Variants in UBE3C observed in about 807,000 individuals in gnomAD.
UBE3C encodes ubiquitin protein ligase E3C.
UBE3C carries 42 observed loss-of-function variants against 129.4 expected under a neutral mutation model. The observed-to-expected ratio is 0.32, with a 90% CI of 0.25 to 0.42. UBE3C has a LOEUF of 0.42. Ranked by LOEUF, UBE3C falls within the 10% of genes least tolerant of loss-of-function variation. The pLI, the probability that UBE3C is intolerant of heterozygous loss-of-function variation, is 1.00. For synonymous variants in UBE3C, 510 were observed against 492.4 expected (o/e 1.04, Z -0.47); for missense variants, 1,049 against 1,319.1 (o/e 0.80, Z 3.17).
intron 16 of UBE3C, 53 bp from the exon 17 acceptor site, chr7:157,225,354 G>A (rs989742784): frequency 4.5e-6 from 7 of 1,561,718 alleles, no homozygotes; most frequent in Admixed American, 4.5e-5. Context: ...TCTTTGGTAG[G>A]TTGTAAGAGG....
intron 22 of UBE3C, among the ~76,000 whole-genome samples, chr7:157,266,474 T>C (rs968426116): frequency 1.3e-5 from 2 of 152,222 alleles, no homozygotes; most frequent in African/African-American, 4.8e-5. Context: ...TTAATCATCG[T>C]GGAGATCCAC....
At chr7:157,214,099 T>C (rs1809669617) in intron 13 of UBE3C, among the ~76,000 whole-genome samples, 1 of 152,072 alleles carries the variant, frequency 6.6e-6, no homozygotes, top group African/African-American at 2.4e-5. Context: ...CCTCCTCCTT[T>C]CTCCCCATCT....
intron 10 of UBE3C, among the ~76,000 whole-genome samples, chr7:157,196,095 G>A (rs1177981344): frequency 6.8e-6 from 1 of 147,848 alleles, no homozygotes; most frequent in Non-Finnish European, 1.5e-5. Context: ...GTGTCAGAGA[G>A]ATGTGGTAAC....
In UBE3C at chr7:157,184,120, C is replaced by CA; in HGVS notation, c.1143+93dup. The stretch of plus-strand genomic sequence containing the variant: ...CTGTCCACCCGTAGTTTCAGTTACA[C>CA]AAGTCAGACCCTCAAGCAGCCTTTG... On this transcript the variant is annotated intron_variant, in intron 9 of 22. Transcript: ENST00000348165. 2.7e-6 allele frequency: 4 copies of CA among 1,506,734 alleles called. No individual in the cohort carries two copies. The South Asian group carries it at 5.0e-5, about 19-fold the overall frequency. The allele number at this position is 1,506,734 out of a possible 1,614,324, so 93.3% of individuals were successfully genotyped here.
At chr7:157,180,107 A>G (rs1460407539) in intron 6 of UBE3C, among the ~76,000 whole-genome samples, 2 of 152,220 alleles carry the variant, frequency 1.3e-5, no homozygotes, top group Non-Finnish European at 2.9e-5. Context: ...AAAATCTTAC[A>G]CAGAAACTGC....
At chr7:157,244,736 G>A (rs1796433178) in intron 18 of UBE3C, among the ~76,000 whole-genome samples, 1 of 152,168 alleles carries the variant, frequency 6.6e-6, no homozygotes, top group South Asian at 2.1e-4. Flanking sequence ...ATATTAAAAG[G>A]CTTCTACTAT....
chr7:157,225,820 G>C (rs190246743), intron 17 of UBE3C, among the ~76,000 whole-genome samples: 1 of 152,070 alleles, frequency 6.6e-6, no homozygotes, highest in Non-Finnish European at 1.5e-5. Flanking sequence ...ATGTGTTAGC[G>C]TGCCCCTGTT....
chr7:157,153,823 AAAACAAAC>A (rs112301421), intron 1 of UBE3C, among the ~76,000 whole-genome samples: 1 of 150,374 alleles, frequency 6.7e-6, no homozygotes, highest in Admixed American at 6.6e-5. Flanking sequence ...CTAAAAATAC[AAAACAAAC>A]AAACAAACAA....
At chr7:157,151,540 T>G (rs1586644768) in intron 1 of UBE3C, among the ~76,000 whole-genome samples, 1 of 152,184 alleles carries the variant, frequency 6.6e-6, no homozygotes, top group Admixed American at 6.5e-5. Flanking sequence ...TGGCTTTTCT[T>G]GTGAACTGTT....
chr7:157,225,700 G>T (rs1038370598), intron 17 of UBE3C, among the ~76,000 whole-genome samples, 161 bp downstream of exon 17: 6 of 152,182 alleles, frequency 3.9e-5, no homozygotes, highest in African/African-American at 1.2e-4. Context: ...TATAATCCCA[G>T]CACTTTGGGA....
chr7:157,219,008 A>G (rs1230642927), intron 14 of UBE3C, among the ~76,000 whole-genome samples: 1 of 152,184 alleles, frequency 6.6e-6, no homozygotes, highest in Non-Finnish European at 1.5e-5. Context: ...GGCAAAACAG[A>G]TAGTGTGTGA....
intron 15 of UBE3C, 113 bp downstream of exon 15, chr7:157,220,889 C>A: frequency 8.1e-7 from 1 of 1,237,262 alleles, no homozygotes; most frequent in Non-Finnish European, 1.1e-6. Context: ...ATGTCACTCC[C>A]AGCAGGAGCT....
Position 157,225,549 on chromosome 7 carries a change from ATTCT to A in UBE3C, c.2233+15_2233+18del, listed in dbSNP as rs751743622. The A allele has an allele frequency of 3.8e-6, 6 of 1,559,296 alleles. No individual in the cohort carries two copies. The highest frequency in any genetic ancestry group is 1.2e-5 in the South Asian group (1 of 81,306). On this transcript the variant is annotated intron_variant, in intron 17 of 22. Coordinates refer to ENST00000348165, the MANE Select transcript of UBE3C (RefSeq NM_014671.3). ...CTTTCTCCAGAAAATGGTATATATA[ATTCT>A]TTCTGTGTATTATTTGGCAGGTGGA...
At chr7:157,191,650 T>C (rs1025159991) in intron 10 of UBE3C, among the ~76,000 whole-genome samples, 3 of 152,208 alleles carry the variant, frequency 2.0e-5, no homozygotes, top group Non-Finnish European at 2.9e-5. Context: ...AGAACTGTGG[T>C]GTATGTGGTG....
chr7:157,188,635 G>A (rs1808872377), intron 10 of UBE3C, among the ~76,000 whole-genome samples: 1 of 152,186 alleles, frequency 6.6e-6, no homozygotes, highest in Admixed American at 6.5e-5. Flanking sequence ...GGTGTTTAAT[G>A]GGTGAAGGAA....
At position 157,217,272 on chromosome 7, in the gene UBE3C, A is replaced by G. The variant is rs139562419; in HGVS notation, c.1914+301A>G. 427 of 232,514 alleles carry G rather than the reference A, an allele frequency of 1.8e-3. 4 individuals carry two copies. Among genetic ancestry groups the G allele is most frequent in the African/African-American group, 9.7e-3 (414 of 42,710 alleles). The allele number at this position is 232,514 out of a possible 1,614,324, so 14.4% of individuals were successfully genotyped here. A position where few individuals can be genotyped will look rare whatever the true frequency, so the allele number is the denominator to read the frequency against. Reference sequence around the variant, plus strand: ...AAAATATTTTGCTTTTATTAGTATTAATATATGTCTAGTATTTAAAAGAGA... The same window carrying G: ...AAAATATTTTGCTTTTATTAGTATTGATATATGTCTAGTATTTAAAAGAGA... On this transcript the variant is annotated intron_variant, in intron 14 of 22. Coordinates refer to ENST00000348165, the MANE Select transcript of UBE3C (RefSeq NM_014671.3).
intron 9 of UBE3C, among the ~76,000 whole-genome samples, chr7:157,185,316 G>A (rs961802157): frequency 1.3e-5 from 2 of 152,242 alleles, no homozygotes; most frequent in African/African-American, 4.8e-5. Flanking sequence ...CATTTAAGAA[G>A]TGGGATCAGT....
In UBE3C at chr7:157,237,072, A is replaced by G. The variant is rs534357947; in HGVS notation, c.2481+5745A>G. ...TAAGTTTATTTCTTCAGAATTAACC[A>G]TGAAATACAAGTGGTTTAGATTCTA... is the stretch of plus-strand genomic sequence containing the variant. On this transcript the variant is annotated intron_variant, in intron 18 of 22. Coordinates refer to ENST00000348165, the MANE Select transcript of UBE3C (RefSeq NM_014671.3). Among the ~76,000 whole-genome samples the G allele has an allele frequency of 3.3e-5, 5 of 152,340 alleles. No homozygotes were observed. In the East Asian group the frequency reaches 7.7e-4, roughly 24 times the overall value.
At chr7:157,220,485 A>G (rs1355535559) in intron 14 of UBE3C, among the ~76,000 whole-genome samples, 2 of 152,238 alleles carry the variant, frequency 1.3e-5, no homozygotes, top group East Asian at 3.8e-4. Context: ...TAGAAAACAT[A>G]GTTAACTGTA....
Sources: allele counts gnomAD v4.1 joint callset (sites outside exome capture counted in the v4.1 genomes callset), GRCh38; gene constraint gnomAD v4.1.1; transcripts MANE v1.5; gene names NCBI Gene and HGNC (gene_info 2026-07-23, HGNC 2026-07-21).